The following TTC39B variants were observed in gnomAD, a reference collection of about 807,000 sequenced individuals.
The protein encoded by TTC39B is tetratricopeptide repeat protein 39B.
TTC39B carries 92 observed loss-of-function variants against 96.6 expected under a neutral mutation model. That is an observed-to-expected ratio of 0.95 (90% CI 0.80 to 1.13). The LOEUF (loss-of-function observed/expected upper bound fraction) is 1.13. Among genes scored for constraint, TTC39B ranks in the 50% most tolerant of loss-of-function variants. The pLI is 0.00. For synonymous variants in TTC39B, 367 were observed against 299.4 expected (o/e 1.23, Z -2.33); for missense variants, 955 against 809.3 (o/e 1.18, Z -2.18).
chr9:15,247,319 AG>A (rs1195377772), intron 2 of TTC39B, among the ~76,000 whole-genome samples: 18 of 152,256 alleles, frequency 1.2e-4, no homozygotes, highest in Admixed American at 3.3e-4. Flanking sequence ...ATCTTCGATA[AG>A]GAAGACTTCA....
At chr9:15,199,763 A>AAC (rs1564337940) in intron 8 of TTC39B, 98 bp downstream of exon 8, 37 of 402,434 alleles carry the variant, frequency 9.2e-5, no homozygotes, top group African/African-American at 8.3e-4. Context: ...AAAAAAAAAA[A>AAC]AAAAATCCTA....
chr9:15,220,797 G>T (rs964064433), intron 3 of TTC39B, among the ~76,000 whole-genome samples: 3 of 151,924 alleles, frequency 2.0e-5, no homozygotes, highest in Non-Finnish European at 2.9e-5. Flanking sequence ...CAATTATTTT[G>T]TAGCATGGCC....
At chr9:15,182,308 T>C (rs1458759506) in exon 17 of TTC39B, 1 of 1,606,366 alleles carries the variant, frequency 6.2e-7, no homozygotes, top group Non-Finnish European at 8.5e-7. Flanking sequence ...TATACTTACT[T>C]TGACTTTGTA....
intron 3 of TTC39B, among the ~76,000 whole-genome samples, chr9:15,216,000 T>G (rs1325999757): frequency 6.6e-6 from 1 of 152,246 alleles, no homozygotes. Context: ...CTTCAGTGAC[T>G]CTTCTAGCAC....
chr9:15,275,591 G>T (rs1228376153), intron 1 of TTC39B, among the ~76,000 whole-genome samples: 1 of 152,174 alleles, frequency 6.6e-6, no homozygotes, highest in Non-Finnish European at 1.5e-5. Context: ...TCTTCTGGGA[G>T]AAGGAGGATA....
At chr9:15,284,347 C>G (rs1404437795) in intron 1 of TTC39B, among the ~76,000 whole-genome samples, 1 of 152,172 alleles carries the variant, frequency 6.6e-6, no homozygotes. Context: ...AAAATTTAAA[C>G]ACACATACAT....
intron 2 of TTC39B, among the ~76,000 whole-genome samples, chr9:15,233,555 G>A (rs1359113184): frequency 1.3e-5 from 2 of 151,026 alleles, no homozygotes; most frequent in Admixed American, 6.6e-5. Flanking sequence ...ACGGGGTTTC[G>A]CTGTGTTGGC....
At chr9:15,241,507 C>A (rs999532368) in intron 2 of TTC39B, among the ~76,000 whole-genome samples, 1 of 151,806 alleles carries the variant, frequency 6.6e-6, no homozygotes, top group Non-Finnish European at 1.5e-5. Context: ...AAAGATGATA[C>A]CTGAGTGAGA....
intron 19 of TTC39B, 101 bp from the exon 20 acceptor site, chr9:15,172,210 A>C (rs1817699224): frequency 4.1e-6 from 3 of 735,536 alleles, no homozygotes; most frequent in Non-Finnish European, 6.6e-6. Context: ...TTACTTTCAA[A>C]CTCTAATATA....
At chr9:15,238,233 T>G (rs139640210) in intron 2 of TTC39B, among the ~76,000 whole-genome samples, 3 of 152,124 alleles carry the variant, frequency 2.0e-5, no homozygotes, top group African/African-American at 4.8e-5. Context: ...ACCACTCTTA[T>G]TCAACATAAT....
chr9:15,234,117 C>T (rs1342155076), intron 2 of TTC39B, among the ~76,000 whole-genome samples: 2 of 150,816 alleles, frequency 1.3e-5, no homozygotes, highest in East Asian at 2.0e-4. Flanking sequence ...TGTCTCTGCC[C>T]GGCCGCCCCG....
intron 17 of TTC39B, among the ~76,000 whole-genome samples, chr9:15,181,638 G>A (rs1345084787): frequency 1.3e-5 from 2 of 152,124 alleles, no homozygotes; most frequent in African/African-American, 2.4e-5. Flanking sequence ...AGAATAAATC[G>A]TGATAACATT....
chr9:15,266,923 C>T (rs1456806381), intron 2 of TTC39B, among the ~76,000 whole-genome samples: 1 of 151,706 alleles, frequency 6.6e-6, no homozygotes, highest in Non-Finnish European at 1.5e-5. Flanking sequence ...ACTAAAAATA[C>T]AAAAAAAATA....
intron 9 of TTC39B, 64 bp from the exon 10 acceptor site, chr9:15,191,319 C>G (rs1396789533): frequency 2.6e-6 from 3 of 1,148,520 alleles, no homozygotes; most frequent in African/African-American, 3.2e-5. Context: ...CAAATCTAAA[C>G]TAACAACTTA....
rs915617150 is a variant in TTC39B at position 15,287,664 on chromosome 9, G to A, written c.240+19420C>T. On this transcript the variant is annotated intron_variant, in intron 1 of 19. Transcript: ENST00000512701. ...TCCTCTGCCATAAACTGTAAAGGGAGGTAAAGACAAGAAAACCTTTAGGGA... is the reference window on the plus strand; with the variant it reads ...TCCTCTGCCATAAACTGTAAAGGGAAGTAAAGACAAGAAAACCTTTAGGGA... 4.6e-5 allele frequency among the ~76,000 whole-genome samples: 7 copies of A among 152,078 alleles called. No homozygotes were observed. In the South Asian group the frequency reaches 6.2e-4, roughly 14 times the overall value.
At chr9:15,205,660 C>A (rs1586868732) in intron 6 of TTC39B, among the ~76,000 whole-genome samples, 1 of 152,232 alleles carries the variant, frequency 6.6e-6, no homozygotes, top group South Asian at 2.1e-4. Flanking sequence ...GGGATACCAA[C>A]TGGTAACTTA....
At chr9:15,284,570 ATATAT>A (rs1470863695) in intron 1 of TTC39B, among the ~76,000 whole-genome samples, 1 of 152,200 alleles carries the variant, frequency 6.6e-6, no homozygotes, top group African/African-American at 2.4e-5. Context: ...TATCTCTAAA[ATATAT>A]TAAGTGAAAA....
At chr9:15,182,960 G>A (rs372419793) in intron 16 of TTC39B, among the ~76,000 whole-genome samples, 2 of 152,124 alleles carry the variant, frequency 1.3e-5, no homozygotes, top group Non-Finnish European at 1.5e-5. Flanking sequence ...CTCCTAAAAT[G>A]TAAACTAATG....
intron 3 of TTC39B, among the ~76,000 whole-genome samples, chr9:15,216,097 G>A (rs1037687874): frequency 6.6e-6 from 1 of 152,096 alleles, no homozygotes; most frequent in African/African-American, 2.4e-5. Context: ...CTAATCTAAC[G>A]CAGAGCAGCC....
Sources: gnomAD v4.1 joint callset for allele counts (sites outside exome capture counted in the v4.1 genomes callset) on GRCh38, gnomAD v4.1.1 for gene constraint, MANE v1.5 for transcripts, NCBI Gene and HGNC (gene_info 2026-07-23, HGNC 2026-07-21) for gene names.